Variants in ZNF385D observed in about 807,000 individuals in gnomAD.
The protein encoded by ZNF385D is zinc finger protein 385D, also known as zinc finger protein 659.
ZNF385D carries 15 observed loss-of-function variants against 35.8 expected under a neutral mutation model. That is an observed-to-expected ratio of 0.42 (90% CI 0.28 to 0.64). ZNF385D has a LOEUF of 0.64. Ranked by LOEUF, ZNF385D falls within the 30% of genes least tolerant of loss-of-function variation. ZNF385D has a pLI of 0.23. For missense variants in ZNF385D, 474 were observed against 494.6 expected (o/e 0.96, Z 0.39); for synonymous variants, 212 against 186.8 (o/e 1.13, Z -1.10).
At chr3:21,731,346 T>A (rs535108725) in intron 1 of ZNF385D, among the ~76,000 whole-genome samples, 1 of 152,316 alleles carries the variant, frequency 6.6e-6, no homozygotes, top group Non-Finnish European at 1.5e-5. Context: ...TAATAGACTA[T>A]TTTTTAGAGC....
At chr3:21,749,262 A>G (rs2069936731) in intron 1 of ZNF385D, among the ~76,000 whole-genome samples, 2 of 152,180 alleles carry the variant, frequency 1.3e-5, no homozygotes, top group Admixed American at 1.3e-4. Flanking sequence ...ACAGTTAATA[A>G]CACAAGCTAG....
intron 3 of ZNF385D, among the ~76,000 whole-genome samples, chr3:21,879,790 T>C (rs1345934915): frequency 1.3e-5 from 2 of 152,034 alleles, no homozygotes; most frequent in Non-Finnish European, 2.9e-5. Context: ...TGCATGACTA[T>C]ATAACACTAC....
chr3:22,007,368 A>G (rs754096272), intron 3 of ZNF385D, among the ~76,000 whole-genome samples: 8 of 152,218 alleles, frequency 5.3e-5, no homozygotes, highest in Non-Finnish European at 1.2e-4. Context: ...TAAGTCTACC[A>G]TACCATTCAA....
chr3:21,491,214 GGT>G (rs796454640), intron 4 of ZNF385D, among the ~76,000 whole-genome samples: 48 of 57,876 alleles, frequency 8.3e-4, no homozygotes, highest in East Asian at 6.2e-3. Flanking sequence ...CAGATAAAGG[GGT>G]TTTTTTTTTG....
chr3:21,901,292 G>A (rs1466566777), intron 3 of ZNF385D, among the ~76,000 whole-genome samples: 4 of 152,054 alleles, frequency 2.6e-5, no homozygotes, highest in African/African-American at 4.8e-5. Context: ...TTCCACCCAC[G>A]CCTCCCAAGC....
At chr3:22,332,254 C>T (rs1454795011) in intron 2 of ZNF385D, among the ~76,000 whole-genome samples, 1 of 152,096 alleles carries the variant, frequency 6.6e-6, no homozygotes, top group Non-Finnish European at 1.5e-5. Context: ...AATTCCATTG[C>T]AGAACTAGAA....
intron 2 of ZNF385D, among the ~76,000 whole-genome samples, chr3:22,219,304 T>C (rs1172201156): frequency 6.6e-6 from 1 of 152,138 alleles, no homozygotes; most frequent in Non-Finnish European, 1.5e-5. Flanking sequence ...TCCCTGCCTC[T>C]CTCCCCAACC....
intron 2 of ZNF385D, among the ~76,000 whole-genome samples, chr3:22,225,780 A>C (rs1698517147): frequency 6.6e-6 from 1 of 152,182 alleles, no homozygotes; most frequent in East Asian, 1.9e-4. Flanking sequence ...TGTAATATCA[A>C]ATTTTTACAC....
chr3:21,481,675 A>G (rs959301545), intron 4 of ZNF385D, among the ~76,000 whole-genome samples: 19 of 152,022 alleles, frequency 1.2e-4, no homozygotes, highest in African/African-American at 3.6e-4. Flanking sequence ...ATTACAGGTG[A>G]CAGCCACCAC....
chr3:22,053,373 G>A (rs1184101577), intron 3 of ZNF385D, among the ~76,000 whole-genome samples: 3 of 34,046 alleles, frequency 8.8e-5, no homozygotes, highest in African/African-American at 3.4e-4. Flanking sequence ...TAGACCGCTA[G>A]CAAGACTAAT....
chr3:21,688,258 C>T (rs1228451976), intron 1 of ZNF385D, among the ~76,000 whole-genome samples: 5 of 152,024 alleles, frequency 3.3e-5, no homozygotes, highest in Non-Finnish European at 7.4e-5. Context: ...AAATATACTT[C>T]TAAAACATAA....
chr3:21,588,888 A>AT (rs1205773003), intron 2 of ZNF385D, among the ~76,000 whole-genome samples: 1 of 152,152 alleles, frequency 6.6e-6, no homozygotes, highest in Non-Finnish European at 1.5e-5. Flanking sequence ...AAGCAGATCC[A>AT]TTTTCAAATG....
At chr3:22,148,141 C>A (rs565275396) in intron 3 of ZNF385D, among the ~76,000 whole-genome samples, 1 of 151,934 alleles carries the variant, frequency 6.6e-6, no homozygotes. Flanking sequence ...CATATAGAAC[C>A]ATATAATTCA....
chr3:22,030,299 A>ATATATATATATATC (rs1553591392), intron 3 of ZNF385D, among the ~76,000 whole-genome samples: 1 of 114,738 alleles, frequency 8.7e-6, no homozygotes, highest in South Asian at 2.9e-4. Flanking sequence ...ATATATATAT[A>ATATATATATATATC]TATCCTATTT....
At chr3:21,557,523 C>T (rs748010902) in intron 3 of ZNF385D, among the ~76,000 whole-genome samples, 10 of 152,108 alleles carry the variant, frequency 6.6e-5, no homozygotes, top group Non-Finnish European at 1.2e-4. Flanking sequence ...CTGACTTGAT[C>T]GTGGTGGATA....
chr3:21,879,648 A>G (rs531105142), intron 3 of ZNF385D, among the ~76,000 whole-genome samples: 1 of 152,152 alleles, frequency 6.6e-6, no homozygotes, highest in East Asian at 1.9e-4. Flanking sequence ...TTCAATTAAA[A>G]AATAGTCACA....
At chr3:21,652,824 T>C (rs187128712) in intron 2 of ZNF385D, among the ~76,000 whole-genome samples, 49 of 152,300 alleles carry the variant, frequency 3.2e-4, no homozygotes, top group African/African-American at 1.2e-3. Flanking sequence ...TTTGAAAAGC[T>C]TTCTAAAATA....
intron 3 of ZNF385D, among the ~76,000 whole-genome samples, chr3:22,090,695 A>C (rs1279830455): frequency 6.6e-6 from 1 of 152,152 alleles, no homozygotes; most frequent in Admixed American, 6.5e-5. Flanking sequence ...TTAGGGTACC[A>C]ATTGAAAAAG....
chr3:21,873,550 A>G (rs148528827), intron 3 of ZNF385D, among the ~76,000 whole-genome samples: 1 of 152,250 alleles, frequency 6.6e-6, no homozygotes, highest in East Asian at 1.9e-4. Flanking sequence ...ATTCTTAACT[A>G]TAAGCACTAT....
Sources: allele counts gnomAD v4.1 joint callset (sites outside exome capture counted in the v4.1 genomes callset), GRCh38; gene constraint gnomAD v4.1.1; transcripts MANE v1.5; gene names NCBI Gene and HGNC (gene_info 2026-07-23, HGNC 2026-07-21).